The following GRM1 variants were observed in gnomAD, a reference collection of about 807,000 sequenced individuals.
GRM1 encodes the protein glutamate metabotropic receptor 1, also known as metabotropic glutamate receptor 1.
GRM1 carries 33 observed loss-of-function variants against 90.9 expected under a neutral mutation model. The ratio of observed to expected loss-of-function variants is 0.36; its 90% CI spans 0.28 to 0.49. GRM1 has a LOEUF of 0.49. Ranked by LOEUF, GRM1 falls within the 20% of genes least tolerant of loss-of-function variation. The probability of loss-of-function intolerance (pLI) is 0.99; values close to 1 mark genes in which losing one functional copy is unlikely to be tolerated. For synonymous variants in GRM1, 700 were observed against 613.2 expected (o/e 1.14, Z -2.09); for missense variants, 1,190 against 1,534.3 (o/e 0.78, Z 3.75).
chr6:146,158,972 TA>T (rs758531391), intron 1 of GRM1, among the ~76,000 whole-genome samples: 7 of 152,318 alleles, frequency 4.6e-5, no homozygotes, highest in South Asian at 2.1e-4. Flanking sequence ...AGTCCTCAAA[TA>T]AACAGAGCTT....
chr6:146,073,136 A>G (rs561352997), intron 1 of GRM1, among the ~76,000 whole-genome samples: 2 of 152,276 alleles, frequency 1.3e-5, no homozygotes, highest in Admixed American at 1.3e-4. Flanking sequence ...TTATAATAAC[A>G]TATCTCAGGG....
chr6:146,410,962 T>C (rs1032379336), intron 7 of GRM1, among the ~76,000 whole-genome samples: 4 of 152,192 alleles, frequency 2.6e-5, no homozygotes, highest in Admixed American at 2.6e-4. Context: ...GAAACATACC[T>C]CTTAAGATCC....
chr6:146,233,415 T>C lies in GRM1; in HGVS notation c.951-71196T>C, dbSNP rs374664729. Among the ~76,000 whole-genome samples the C allele has an allele frequency of 4.0e-4, 61 of 152,260 alleles. 1 individual carries two copies. The highest frequency in any genetic ancestry group is 1.4e-3 in the African/African-American group (58 of 41,566). ...AACTGGCAAATGCTACAAATCTGTA[T>C]CTTTTTTTTCCCAGAGAGCTGACTG... On this transcript the variant is annotated intron_variant, in intron 2 of 7. Coordinates refer to ENST00000282753, the MANE Select transcript of GRM1 (RefSeq NM_001278064.2).
chr6:146,284,541 C>T (rs1180826536), intron 2 of GRM1, among the ~76,000 whole-genome samples: 1 of 152,120 alleles, frequency 6.6e-6, no homozygotes, highest in African/African-American at 2.4e-5. Flanking sequence ...CCAAATCTCG[C>T]CTGGTATTGT....
intron 2 of GRM1, among the ~76,000 whole-genome samples, chr6:146,176,084 G>A (rs1778329250): frequency 6.6e-6 from 1 of 151,948 alleles, no homozygotes; most frequent in East Asian, 1.9e-4. Flanking sequence ...AAACCCTAGC[G>A]CCCTTTCAAC....
At chr6:146,428,972 T>C (rs1245012573) in intron 7 of GRM1, among the ~76,000 whole-genome samples, 3 of 152,330 alleles carry the variant, frequency 2.0e-5, no homozygotes, top group South Asian at 2.1e-4. Flanking sequence ...TGTCTTTTTC[T>C]TTATTGATCA....
chr6:146,033,019 TATATC>T (rs1790762163), intron 1 of GRM1, among the ~76,000 whole-genome samples: 1 of 152,304 alleles, frequency 6.6e-6, no homozygotes, highest in South Asian at 2.1e-4. Context: ...TTTTCAATCT[TATATC>T]ATATTATTTG....
intron 1 of GRM1, among the ~76,000 whole-genome samples, chr6:146,081,147 C>T (rs1776351801): frequency 6.6e-6 from 1 of 152,098 alleles, no homozygotes; most frequent in African/African-American, 2.4e-5. Flanking sequence ...AAAAGGGCAT[C>T]TTGACTGCAA....
chr6:146,084,020 T>C (rs1000155915), intron 1 of GRM1, among the ~76,000 whole-genome samples: 1 of 152,224 alleles, frequency 6.6e-6, no homozygotes, highest in African/African-American at 2.4e-5. Flanking sequence ...TTTATTTGCA[T>C]AGAGATGTTT....
At chr6:146,260,664 A>G (rs1319143034) in intron 2 of GRM1, among the ~76,000 whole-genome samples, 1 of 152,022 alleles carries the variant, frequency 6.6e-6, no homozygotes, top group African/African-American at 2.4e-5. Flanking sequence ...AAAACGTGTG[A>G]AGTTGTATCT....
At chr6:146,268,368 G>A (rs1781996211) in intron 2 of GRM1, among the ~76,000 whole-genome samples, 2 of 152,204 alleles carry the variant, frequency 1.3e-5, no homozygotes, top group South Asian at 4.1e-4. Flanking sequence ...CTTTTCCAAA[G>A]GCTTTCTTAA....
chr6:146,348,109 C>A (rs934044873), intron 3 of GRM1, among the ~76,000 whole-genome samples: 2 of 152,168 alleles, frequency 1.3e-5, no homozygotes, highest in Non-Finnish European at 2.9e-5. Context: ...AAATAAAGTA[C>A]CACAGAAAAT....
intron 1 of GRM1, among the ~76,000 whole-genome samples, chr6:146,140,609 A>G (rs1035743549): frequency 1.3e-5 from 2 of 152,184 alleles, no homozygotes; most frequent in Non-Finnish European, 2.9e-5. Flanking sequence ...TGAGGCTTCC[A>G]AATAATATCT....
intron 1 of GRM1, among the ~76,000 whole-genome samples, chr6:146,031,518 A>G (rs1332309976): frequency 6.6e-6 from 1 of 152,192 alleles, no homozygotes; most frequent in Non-Finnish European, 1.5e-5. Flanking sequence ...CAGAATTTTC[A>G]GAACAAACAT....
intron 1 of GRM1, among the ~76,000 whole-genome samples, chr6:146,152,024 C>T (rs1022229021): frequency 1.3e-5 from 2 of 152,076 alleles, no homozygotes; most frequent in Admixed American, 6.6e-5. Context: ...CTTTGTCAGA[C>T]GCTGCTCTTC....
At chr6:146,313,008 T>C (rs1783829944) in intron 3 of GRM1, among the ~76,000 whole-genome samples, 1 of 152,228 alleles carries the variant, frequency 6.6e-6, no homozygotes, top group Admixed American at 6.5e-5. Flanking sequence ...ATTATAAAGA[T>C]TGATGCAGGG....
intron 6 of GRM1, among the ~76,000 whole-genome samples, chr6:146,387,357 A>G (rs1028615117): frequency 6.6e-6 from 1 of 152,026 alleles, no homozygotes; most frequent in Non-Finnish European, 1.5e-5. Context: ...TGGATGAGGC[A>G]CTACTATAGG....
intron 7 of GRM1, among the ~76,000 whole-genome samples, chr6:146,408,786 C>T (rs1777450584): frequency 6.6e-6 from 1 of 152,170 alleles, no homozygotes; most frequent in Admixed American, 6.5e-5. Flanking sequence ...CCTGTCCCTG[C>T]TTGGCCTCAG....
intron 7 of GRM1, among the ~76,000 whole-genome samples, chr6:146,426,038 CCT>C (rs921830123): frequency 3.3e-5 from 5 of 152,132 alleles, no homozygotes; most frequent in Non-Finnish European, 7.4e-5. Flanking sequence ...GTTGCTGCTC[CCT>C]CTCTCTCTAC....
Sources: gnomAD v4.1 joint callset for allele counts (sites outside exome capture counted in the v4.1 genomes callset) on GRCh38, gnomAD v4.1.1 for gene constraint, MANE v1.5 for transcripts, NCBI Gene and HGNC (gene_info 2026-07-23, HGNC 2026-07-21) for gene names.